The following ANK3 variants were observed in gnomAD, a reference collection of about 807,000 sequenced individuals.
ANK3 encodes ankyrin-3.
Under a neutral mutation model 370.9 loss-of-function variants are expected in ANK3, and 57 were observed. That is an observed-to-expected ratio of 0.15 (90% confidence interval 0.12 to 0.19). ANK3 has a LOEUF of 0.19. ANK3 is among the 10% of genes least tolerant of loss of function. The pLI is 1.00. For synonymous variants in ANK3, 1,929 were observed against 1,946.3 expected, an observed-to-expected ratio of 0.99 and a Z score of 0.23; for missense variants, 4,439 against 5,302.1, an observed-to-expected ratio of 0.84 and a Z score of 5.06.
chr10:60,726,638 TTG>T (rs941681481), intron 1 of ANK3, among the ~76,000 whole-genome samples: 1 of 152,158 alleles, frequency 6.6e-6, no homozygotes, highest in African/African-American at 2.4e-5. Flanking sequence ...AACCATGGTT[TTG>T]TTTTTGTTTT....
intron 2 of ANK3, among the ~76,000 whole-genome samples, chr10:60,473,733 G>A (rs79716236): frequency 0.096 from 14,524 of 152,078 alleles, 774 homozygotes; most frequent in South Asian, 0.17. Flanking sequence ...TTCCTAGAGC[G>A]CTGGTTTAAC....
intron 42 of ANK3, chr10:60,044,422 A>C: frequency 2.7e-6 from 2 of 740,504 alleles, no homozygotes; most frequent in Non-Finnish European, 3.3e-6. Flanking sequence ...CACCACACAC[A>C]TGCTCTGGAA....
chr10:60,560,048 G>T (rs1315592713), intron 2 of ANK3, among the ~76,000 whole-genome samples: 1 of 151,978 alleles, frequency 6.6e-6, no homozygotes, highest in Non-Finnish European at 1.5e-5. Flanking sequence ...TTCATAGATA[G>T]ATAGATAGAT....
intron 41 of ANK3, among the ~76,000 whole-genome samples, chr10:60,057,958 C>T (rs1322257707): frequency 6.6e-6 from 1 of 152,050 alleles, no homozygotes; most frequent in Admixed American, 6.6e-5. Flanking sequence ...TTTTATTGAG[C>T]AAGAAGCTTA....
intron 1 of ANK3, among the ~76,000 whole-genome samples, chr10:60,286,234 C>T (rs757166026): frequency 2.0e-5 from 3 of 151,940 alleles, no homozygotes; most frequent in Admixed American, 2.0e-4. Context: ...CACTCTCATG[C>T]CTTTCTTTAT....
intron 1 of ANK3, among the ~76,000 whole-genome samples, chr10:60,708,797 G>A (rs2079656589): frequency 6.6e-6 from 1 of 152,158 alleles, no homozygotes; most frequent in Non-Finnish European, 1.5e-5. Flanking sequence ...AAGACTGAGT[G>A]AGACCCAGTC....
chr10:60,281,388 T>C (rs539592021), intron 1 of ANK3, among the ~76,000 whole-genome samples: 1 of 152,206 alleles, frequency 6.6e-6, no homozygotes, highest in Non-Finnish European at 1.5e-5. Flanking sequence ...TAAAAGTGTC[T>C]CCAGAATTGC....
At chr10:60,410,429 A>G (rs2063536036) in intron 2 of ANK3, among the ~76,000 whole-genome samples, 1 of 152,190 alleles carries the variant, frequency 6.6e-6, no homozygotes, top group Admixed American at 6.5e-5. Flanking sequence ...AGAGTGTTTG[A>G]TACTTAATAG....
chr10:60,589,690 G>A (rs577595581), intron 2 of ANK3, among the ~76,000 whole-genome samples: 60 of 152,262 alleles, frequency 3.9e-4, no homozygotes, highest in Non-Finnish European at 5.7e-4. Flanking sequence ...GCATTGGTAT[G>A]CCCAACCAGA....
At chr10:60,182,490 A>C (rs760978983) in intron 17 of ANK3, among the ~76,000 whole-genome samples, 3 of 152,242 alleles carry the variant, frequency 2.0e-5, no homozygotes, top group Non-Finnish European at 4.4e-5. Flanking sequence ...ATTTAAGAGA[A>C]AGTGAGTTGG....
At chr10:60,242,953 A>AT (rs1014833865) in intron 7 of ANK3, among the ~76,000 whole-genome samples, 1 of 152,008 alleles carries the variant, frequency 6.6e-6, no homozygotes, top group Admixed American at 6.6e-5. Context: ...CCAAGTTCAT[A>AT]TTTTTTTCGC....
rs201169886 is a variant in ANK3 at position 60,042,695 on chromosome 10, G to A, written c.13130C>T (p.Ser4377Leu). 5.2e-5 allele frequency: 84 copies of A among 1,613,666 alleles called. No individual in the cohort carries two copies. Among genetic ancestry groups the A allele is most frequent in the Non-Finnish European group, 6.9e-5 (82 of 1,179,956 alleles). Residue 4377 changes from serine (S) to leucine (L), a missense_variant, in exon 43 of 44, where the codon TCG (serine) becomes TTG (leucine). Ser to Leu is a moderately radical substitution (Grantham distance 145, BLOSUM62 -2). Transcript: ENST00000280772. The stretch of plus-strand genomic sequence containing the variant: ...ACCTTGACTGACCGTTCGCTGTTAC[G>A]AGTGGCTCTTCTTTTCCACATGCCG... ...EIRHVEKKSH[S>L] is the part of the protein sequence containing the mutation.
At chr10:60,465,785 C>G (rs377230291) in intron 2 of ANK3, among the ~76,000 whole-genome samples, 1 of 119,400 alleles carries the variant, frequency 8.4e-6, no homozygotes, top group East Asian at 2.3e-4. Context: ...TCTTTTTTTT[C>G]TTTCTTTTTT....
intron 2 of ANK3, among the ~76,000 whole-genome samples, chr10:60,464,894 A>G (rs2064974103): frequency 6.6e-6 from 1 of 152,204 alleles, no homozygotes; most frequent in Admixed American, 6.5e-5. Flanking sequence ...TCAATGAGCC[A>G]CACCCTTAGG....
intron 27 of ANK3, chr10:60,108,085 ATAAACT>A (rs1000941580): frequency 2.7e-5 from 8 of 291,592 alleles, no homozygotes; most frequent in African/African-American, 1.6e-4. Flanking sequence ...AAAAATAAAA[ATAAACT>A]TAAGACAAGA....
At chr10:60,125,278 C>T (rs1461786760) in intron 25 of ANK3, among the ~76,000 whole-genome samples, 1 of 152,112 alleles carries the variant, frequency 6.6e-6, no homozygotes, top group Admixed American at 6.5e-5. Flanking sequence ...GATTTCAAGA[C>T]AATCTGGTTA....
In ANK3 at chr10:60,269,143, A is replaced by G. The variant is rs540727301; in HGVS notation, c.513+988T>C. 3.2e-4 allele frequency among the ~76,000 whole-genome samples: 49 copies of G among 152,316 alleles called. 1 individual carries two copies. In the South Asian group the frequency reaches 9.3e-3, roughly 29 times the overall value. ...TGTTGTTAGAAATAAAAAATACTCA[A>G]ATATTGATCCTTTATTATTAGCAAT... is the stretch of plus-strand genomic sequence containing the variant. On this transcript the variant is annotated intron_variant, in intron 5 of 43. Coordinates refer to ENST00000280772, the MANE Select transcript of ANK3 (RefSeq NM_020987.5).
chr10:60,552,810 C>T (rs185167263), intron 2 of ANK3, among the ~76,000 whole-genome samples: 2 of 152,152 alleles, frequency 1.3e-5, no homozygotes, highest in Middle Eastern at 3.2e-3. Context: ...GTGGGACGGA[C>T]CCGGTGGCAG....
chr10:60,136,239 G>A (rs2094336433), intron 24 of ANK3, among the ~76,000 whole-genome samples: 1 of 152,148 alleles, frequency 6.6e-6, no homozygotes, highest in Non-Finnish European at 1.5e-5. Flanking sequence ...TGAAGGGGAT[G>A]TGCTAAATCT....
Sources: allele counts gnomAD v4.1 joint callset (sites outside exome capture counted in the v4.1 genomes callset), GRCh38; gene constraint gnomAD v4.1.1; transcripts MANE v1.5; gene names NCBI Gene and HGNC (gene_info 2026-07-23, HGNC 2026-07-21).